NCAM1: variants seen among roughly 807,000 people sequenced by gnomAD.
The protein encoded by NCAM1 is antigen recognized by monoclonal antibody 5.1H11.
Under a neutral mutation model 109.8 loss-of-function variants are expected in NCAM1, and 14 were observed. That is an observed-to-expected ratio of 0.13 (90% CI 0.08 to 0.20). The LOEUF (loss-of-function observed/expected upper bound fraction) is 0.20. Among genes scored for constraint, NCAM1 ranks in the 10% least tolerant of loss-of-function variants. The pLI is 1.00. For missense variants in NCAM1, 774 were observed against 1,109.9 expected (o/e 0.70, Z 4.30); for synonymous variants, 418 against 442.9 (o/e 0.94, Z 0.70).
intron 7 of NCAM1, among the ~76,000 whole-genome samples, chr11:113,213,595 T>G (rs964443383): frequency 6.6e-6 from 1 of 152,186 alleles, no homozygotes; most frequent in Non-Finnish European, 1.5e-5. Flanking sequence ...TCCTTCTTAT[T>G]GCTTCTTTTG....
intron 1 of NCAM1, among the ~76,000 whole-genome samples, chr11:113,151,888 A>G (rs1942237359): frequency 6.6e-6 from 1 of 151,990 alleles, no homozygotes; most frequent in South Asian, 2.1e-4. Flanking sequence ...AGGATGGAAA[A>G]TGGATGTAGG....
intron 1 of NCAM1, among the ~76,000 whole-genome samples, chr11:113,185,524 T>G (rs1555108732): frequency 6.6e-6 from 1 of 152,126 alleles, no homozygotes; most frequent in Non-Finnish European, 1.5e-5. Context: ...GGAAAATTGA[T>G]GCATAAAATT....
intron 1 of NCAM1, among the ~76,000 whole-genome samples, chr11:113,009,997 C>CT (rs1476914556): frequency 6.6e-6 from 1 of 150,672 alleles, no homozygotes; most frequent in Non-Finnish European, 1.5e-5. Context: ...AGTACTGAAA[C>CT]TTTCTTTGAC....
At chr11:113,155,703 A>G (rs1555103359) in intron 1 of NCAM1, among the ~76,000 whole-genome samples, 1 of 151,926 alleles carries the variant, frequency 6.6e-6, no homozygotes, top group Admixed American at 6.6e-5. Context: ...TTGCCCAGTT[A>G]TATGTCCTTT....
intron 1 of NCAM1, chr11:113,041,293 A>G (rs1555079949): frequency 1.3e-5 from 2 of 152,358 alleles, no homozygotes; most frequent in African/African-American, 4.8e-5. Context: ...TTATGTTTAA[A>G]CATTTTTTTG....
chr11:113,235,353 C>G, intron 14 of NCAM1, 189 bp downstream of exon 14: 1 of 1,253,892 alleles, frequency 8.0e-7, no homozygotes, highest in African/African-American at 1.5e-5. Flanking sequence ...TCCCTTCATT[C>G]TCTCTTTCTC....
At chr11:113,101,501 G>T (rs1939872869) in intron 1 of NCAM1, among the ~76,000 whole-genome samples, 1 of 151,960 alleles carries the variant, frequency 6.6e-6, no homozygotes, top group Non-Finnish European at 1.5e-5. Flanking sequence ...ATTGTGTATT[G>T]CTCCTTAATT....
intron 15 of NCAM1, among the ~76,000 whole-genome samples, chr11:113,248,311 A>G (rs1270367012): frequency 6.6e-6 from 1 of 151,696 alleles, no homozygotes; most frequent in Non-Finnish European, 1.5e-5. Flanking sequence ...GTCCTCATCC[A>G]TGACAGACCC....
At chr11:113,168,845 G>A (rs191640292) in intron 1 of NCAM1, among the ~76,000 whole-genome samples, 1 of 152,206 alleles carries the variant, frequency 6.6e-6, no homozygotes, top group East Asian at 1.9e-4. Flanking sequence ...TGGGGAGCTG[G>A]GAATCCAGAT....
intron 1 of NCAM1, among the ~76,000 whole-genome samples, chr11:113,128,773 G>A (rs927559027): frequency 7.9e-5 from 12 of 152,174 alleles, no homozygotes; most frequent in Admixed American, 2.0e-4. Flanking sequence ...AATGAGTGGA[G>A]AGATAGGGAG....
At position 113,274,050 on chromosome 11, in the gene NCAM1, AAGCAGGCT is replaced by A. The variant is rs1355601299; in HGVS notation, c.2457-1215_2457-1208del. On this transcript the variant is annotated intron_variant, in intron 19 of 19. Transcript: ENST00000316851. The surrounding 1 kb of genome is among the most constrained non-coding windows in gnomAD (Gnocchi z 4.1). ...AGGCCACTGATGAGAATAGCTTGGGAAGCAGGCTAAGAAGGCCAAGGTGCCCTTATCAG... is the reference window on the plus strand; with the variant it reads ...AGGCCACTGATGAGAATAGCTTGGGAAAGAAGGCCAAGGTGCCCTTATCAG... The A allele has an allele frequency of 6.5e-6, 1 of 153,924 alleles. No individual in the cohort carries two copies. Among genetic ancestry groups the A allele is most frequent in the Non-Finnish European group, 1.4e-5 (1 of 69,296 alleles). The allele number at this position is 153,924 out of a possible 1,614,324, so 9.5% of individuals were successfully genotyped here.
chr11:113,245,577 C>T (rs1945477169), intron 14 of NCAM1, among the ~76,000 whole-genome samples: 1 of 152,180 alleles, frequency 6.6e-6, no homozygotes, highest in Non-Finnish European at 1.5e-5. Context: ...AAACCCATTC[C>T]CTAGTCTGCA....
At chr11:113,184,710 T>C (rs1030883431) in intron 1 of NCAM1, among the ~76,000 whole-genome samples, 1 of 152,152 alleles carries the variant, frequency 6.6e-6, no homozygotes, top group Non-Finnish European at 1.5e-5. Flanking sequence ...ACAGGGAATA[T>C]GTCAGGCCGA....
intron 1 of NCAM1, among the ~76,000 whole-genome samples, chr11:113,171,607 C>G (rs1325194676): frequency 6.6e-6 from 1 of 151,928 alleles, no homozygotes; most frequent in African/African-American, 2.4e-5. Context: ...GCACTGCAGC[C>G]TAGGCGACAG....
At chr11:112,972,085 T>G (rs1555066894) in intron 1 of NCAM1, among the ~76,000 whole-genome samples, 1 of 152,022 alleles carries the variant, frequency 6.6e-6, no homozygotes, top group Non-Finnish European at 1.5e-5. Flanking sequence ...GTTATAAGCT[T>G]GAGGGAATGA....
chr11:113,249,150 A>T (rs1289417259), intron 15 of NCAM1, among the ~76,000 whole-genome samples: 3 of 152,170 alleles, frequency 2.0e-5, no homozygotes, highest in Non-Finnish European at 4.4e-5. Flanking sequence ...GTACTAGGAA[A>T]CGCTGATTCT....
chr11:113,244,863 G>C (rs911934274), intron 14 of NCAM1, among the ~76,000 whole-genome samples: 1 of 152,082 alleles, frequency 6.6e-6, no homozygotes. Flanking sequence ...CAAGGGAAGA[G>C]GTAGCCTGGT....
At chr11:112,992,681 G>A (rs926196510) in intron 1 of NCAM1, among the ~76,000 whole-genome samples, 2 of 151,412 alleles carry the variant, frequency 1.3e-5, no homozygotes, top group Non-Finnish European at 2.9e-5. Flanking sequence ...TTTTATTTTT[G>A]TATTTTTAGT....
In NCAM1 at chr11:113,032,199, T is replaced by C. The variant is rs114773176; in HGVS notation, c.52+70535T>C. Among the ~76,000 whole-genome samples, 102 of 152,298 alleles carry C rather than the reference T, an allele frequency of 6.7e-4. 1 individual carries two copies. Among genetic ancestry groups the C allele is most frequent in the African/African-American group, 2.4e-3 (99 of 41,562 alleles). ...GAAGTGATCCTGCCAGAATTTTCAA[T>C]TTCAAATAAAAAACTTAATTTGAGT... On this transcript the variant is annotated intron_variant, in intron 1 of 19. Coordinates refer to ENST00000316851, the MANE Select transcript of NCAM1 (RefSeq NM_181351.5).
Sources: gnomAD v4.1 joint callset for allele counts (sites outside exome capture counted in the v4.1 genomes callset) on GRCh38, gnomAD v4.1.1 for gene constraint, Gnocchi (gnomAD v3.1) non-coding constraint, MANE v1.5 for transcripts, NCBI Gene and HGNC (gene_info 2026-07-23, HGNC 2026-07-21) for gene names.